LRRC4B: variants seen among roughly 807,000 people sequenced by gnomAD.
LRRC4B encodes the protein leucine rich repeat containing 4B.
Under a neutral mutation model 7.3 loss-of-function variants are expected in LRRC4B, and 1 was observed. That is an observed-to-expected ratio of 0.14 (90% CI 0.05 to 0.65). The LOEUF (loss-of-function observed/expected upper bound fraction) is 0.65, where lower values mean the gene tolerates loss of function less well. Among genes scored for constraint, LRRC4B ranks in the 30% least tolerant of loss-of-function variants. LRRC4B has a pLI of 0.84. For missense variants in LRRC4B, 730 were observed against 1,041.6 expected (o/e 0.70, Z 4.12); for synonymous variants, 500 against 499.2 (o/e 1.00, Z -0.02).
At chr19:50,557,913 T>TA (rs1428597020) in intron 1 of LRRC4B, 1 of 152,168 alleles carries the variant, frequency 6.6e-6, no homozygotes, top group Non-Finnish European at 1.5e-5. Context: ...GGGAGCCCGT[T>TA]ACGATGATAC....
At chr19:50,550,341 A>G (rs1982000713) in intron 1 of LRRC4B, among the ~76,000 whole-genome samples, 1 of 152,048 alleles carries the variant, frequency 6.6e-6, no homozygotes, top group Admixed American at 6.6e-5. Context: ...GCCCCAACAC[A>G]GGCCAACCCC....
Position 50,537,168 on chromosome 19 carries a change from C to T in LRRC4B, c.297+11374G>A, listed in dbSNP as rs979963149. Among the ~76,000 whole-genome samples the T allele has an allele frequency of 1.3e-5, 2 of 152,142 alleles. No homozygotes were observed. Among genetic ancestry groups the T allele is most frequent in the Non-Finnish European group, 2.9e-5 (2 of 68,024 alleles). ...CTACGAATTAGGAAGCATTACGAAT[C>T]GCGTTGAAAAAACCAAGTTCTGCAG... On this transcript the variant is annotated intron_variant, in intron 2 of 2. Coordinates refer to ENST00000652263, the MANE Select transcript of LRRC4B (RefSeq NM_001080457.2). The surrounding 1 kb of genome is among the most constrained non-coding windows in gnomAD (Gnocchi z 5.5).
intron 2 of LRRC4B, among the ~76,000 whole-genome samples, chr19:50,527,798 G>T (rs1446205632): frequency 6.9e-6 from 1 of 144,428 alleles, no homozygotes; most frequent in East Asian, 2.0e-4. Context: ...CTGGAGTGCG[G>T]TGGCACGATC....
chr19:50,539,301 C>T (rs2122859130), intron 2 of LRRC4B, among the ~76,000 whole-genome samples: 1 of 152,322 alleles, frequency 6.6e-6, no homozygotes, highest in Non-Finnish European at 1.5e-5. Flanking sequence ...TTCTGAGGCA[C>T]ATGGCAAGCC....
Position 50,518,250 on chromosome 19 carries a change from G to C in LRRC4B, c.1463C>G (p.Thr488Ser), listed in dbSNP as rs1302662463. 5 of 1,605,444 alleles carry C rather than the reference G, an allele frequency of 3.1e-6. No homozygotes were observed. In the South Asian group the frequency reaches 5.5e-5, roughly 18 times the overall value. The change falls in exon 3 of 3, where the codon ACC becomes AGC. Residue 488 changes from threonine (T) to serine (S), a missense_variant. Physicochemically the swap from Thr to Ser is moderately conservative, Grantham distance 58. This residue lies in a region of LRRC4B where 192 missense variants were observed against 228.6 expected (regional missense o/e 0.84). Coordinates refer to ENST00000652263, the MANE Select transcript of LRRC4B (RefSeq NM_001080457.2). The part of the protein sequence containing the change: ...GGGSGGYTYF[T>S]TVTVETLETQ... The stretch of plus-strand genomic sequence containing the variant: ...CTCCAGGGTCTCCACGGTCACCGTG[G>C]TGAAGTAGGTGTAGCCGCCACTGCC...
At chr19:50,531,225 A>G (rs549987787) in intron 2 of LRRC4B, among the ~76,000 whole-genome samples, 1 of 152,300 alleles carries the variant, frequency 6.6e-6, no homozygotes, top group African/African-American at 2.4e-5. Context: ...CCTGGAGGTG[A>G]GCATCACACG....
intron 2 of LRRC4B, among the ~76,000 whole-genome samples, chr19:50,523,833 C>G (rs1446778128): frequency 6.6e-6 from 1 of 150,648 alleles, no homozygotes; most frequent in Non-Finnish European, 1.5e-5. Flanking sequence ...GTGGCAGGTG[C>G]CTGTAATCCC....
At chr19:50,562,889 C>T (rs1982517900) in intron 1 of LRRC4B, among the ~76,000 whole-genome samples, 1 of 152,016 alleles carries the variant, frequency 6.6e-6, no homozygotes, top group South Asian at 2.1e-4. Context: ...TACAGACTCA[C>T]ACCACCACAC....
Position 50,548,942 on chromosome 19 carries a change from C to T in LRRC4B, c.-35-69G>A. On this transcript the variant is annotated intron_variant, in intron 1 of 2. Coordinates refer to ENST00000652263, the MANE Select transcript of LRRC4B (RefSeq NM_001080457.2). The surrounding 1 kb of genome is among the most constrained non-coding windows in gnomAD (Gnocchi z 6.8). ...GGAGCCCATGTGGCCTGGGTGCTTG[C>T]CAACACCCAGGCAGCCCCATCGCCG... is the stretch of plus-strand genomic sequence containing the variant. 1.2e-6 allele frequency: 1 copy of T among 855,622 alleles called. No individual in the cohort carries two copies. The highest frequency in any genetic ancestry group is 1.7e-6 in the Non-Finnish European group (1 of 573,252). 53.0% of individuals were successfully genotyped at this position (855,622 alleles called of 1,614,324 possible).
intron 2 of LRRC4B, among the ~76,000 whole-genome samples, chr19:50,539,713 C>T (rs1247918789): frequency 1.3e-5 from 2 of 151,496 alleles, no homozygotes; most frequent in Non-Finnish European, 2.9e-5. Context: ...ATGGTGAAAC[C>T]CCGTCTCTAC....
chr19:50,528,037 G>A (rs1244175525), intron 2 of LRRC4B, among the ~76,000 whole-genome samples: 1 of 151,844 alleles, frequency 6.6e-6, no homozygotes, highest in Admixed American at 6.6e-5. Flanking sequence ...CACCGTGCCT[G>A]GCCCTCTCTC....
intron 2 of LRRC4B, among the ~76,000 whole-genome samples, chr19:50,525,457 G>A (rs940794731): frequency 6.6e-5 from 10 of 150,610 alleles, no homozygotes; most frequent in Non-Finnish European, 1.3e-4. Context: ...CTAGGCTGGA[G>A]TGCAATGGCG....
In LRRC4B at chr19:50,556,322, C is replaced by T. The variant is rs1982274576; in HGVS notation, c.-35-7449G>A. Among the ~76,000 whole-genome samples the T allele has an allele frequency of 6.6e-6, 1 of 151,960 alleles. No individual in the cohort carries two copies. The highest frequency in any genetic ancestry group is 1.5e-5 in the Non-Finnish European group (1 of 67,930). ...GGTGACTTGCTTGGAGGGGGGCTGT[C>T]CTTTCCCGTGCAGCCACGCCGCTCT... On this transcript the variant is annotated intron_variant, in intron 1 of 2. Transcript: ENST00000652263. This position sits in a 1 kb window ranked among gnomAD's most constrained non-coding sequence, Gnocchi z 4.2.
chr19:50,530,157 C>G (rs1056643806), intron 2 of LRRC4B, among the ~76,000 whole-genome samples: 1 of 152,150 alleles, frequency 6.6e-6, no homozygotes, highest in Non-Finnish European at 1.5e-5. Context: ...CTGGGCCCGC[C>G]GCAGCCTCCT....
At chr19:50,535,672 C>G (rs941539234) in intron 2 of LRRC4B, among the ~76,000 whole-genome samples, 1 of 152,206 alleles carries the variant, frequency 6.6e-6, no homozygotes, top group East Asian at 1.9e-4. Flanking sequence ...CAGGGACTTC[C>G]CTGATGCCAT....
intron 1 of LRRC4B, among the ~76,000 whole-genome samples, chr19:50,565,526 CGTGTGTGTGTGTGTGTGT>C (rs67157266): frequency 4.1e-5 from 6 of 147,230 alleles, no homozygotes; most frequent in Non-Finnish European, 6.0e-5. Context: ...TGTGTGCTCT[CGTGTGTGTGTGTGTGTGT>C]GTGTGTGTGT....
intron 1 of LRRC4B, among the ~76,000 whole-genome samples, chr19:50,558,627 G>A (rs1405317339): frequency 3.9e-5 from 6 of 152,240 alleles, no homozygotes; most frequent in African/African-American, 1.2e-4. Context: ...CCAGCCACAC[G>A]AGGCTACGGA....
intron 1 of LRRC4B, among the ~76,000 whole-genome samples, chr19:50,565,990 C>G (rs879847959): frequency 1.3e-5 from 2 of 152,170 alleles, no homozygotes; most frequent in African/African-American, 2.4e-5. Flanking sequence ...TCTCTCTCCC[C>G]GCCTTTCGGC....
At chr19:50,535,749 C>T (rs945337177) in intron 2 of LRRC4B, among the ~76,000 whole-genome samples, 33 of 152,190 alleles carry the variant, frequency 2.2e-4, no homozygotes, top group African/African-American at 7.5e-4. Context: ...CAGGCCTAGA[C>T]GTCCCTGTCT....
Sources: gnomAD v4.1 joint callset for allele counts (sites outside exome capture counted in the v4.1 genomes callset) on GRCh38, gnomAD v4.1.1 for gene constraint, gnomAD v4.1.1 regional missense constraint, Gnocchi (gnomAD v3.1) non-coding constraint, MANE v1.5 for transcripts, NCBI Gene and HGNC (gene_info 2026-07-23, HGNC 2026-07-21) for gene names.